Variants in CSGALNACT1 observed in about 807,000 individuals in gnomAD.
CSGALNACT1 encodes the protein chondroitin sulfate N-acetylgalactosaminyltransferase 1, also known as beta4GalNAcT-1.
Under a neutral mutation model 51.0 loss-of-function variants are expected in CSGALNACT1, and 52 were observed. That is an observed-to-expected ratio of 1.02 (90% CI 0.82 to 1.29). CSGALNACT1 has a LOEUF of 1.29. CSGALNACT1 is among the 50% of genes most tolerant of loss of function. The probability of loss-of-function intolerance (pLI) is 0.00; values close to 1 mark genes in which losing one functional copy is unlikely to be tolerated. For synonymous variants in CSGALNACT1, 341 were observed against 254.4 expected, an observed-to-expected ratio of 1.34 and a Z score of -3.24; for missense variants, 935 against 679.2, an observed-to-expected ratio of 1.38 and a Z score of -4.19.
intron 4 of CSGALNACT1, among the ~76,000 whole-genome samples, chr8:19,473,952 A>G (rs1054442804): frequency 2.0e-5 from 3 of 152,244 alleles, no homozygotes; most frequent in Admixed American, 2.0e-4. Flanking sequence ...GAAACTGGTA[A>G]GCTTGAGAAA....
At chr8:19,737,031 G>A (rs1013504801) in intron 1 of CSGALNACT1, among the ~76,000 whole-genome samples, 1 of 152,080 alleles carries the variant, frequency 6.6e-6, no homozygotes, top group African/African-American at 2.4e-5. Flanking sequence ...AAAAAGGCAT[G>A]TTTCTATAAA....
chr8:19,562,818 A>G (rs776504728), intron 3 of CSGALNACT1, among the ~76,000 whole-genome samples: 12 of 152,230 alleles, frequency 7.9e-5, no homozygotes, highest in Non-Finnish European at 1.5e-4. Flanking sequence ...GAACGCTCTT[A>G]CACTGGTGGT....
At chr8:19,419,218 A>T (rs1268644636) in intron 7 of CSGALNACT1, among the ~76,000 whole-genome samples, 1 of 152,212 alleles carries the variant, frequency 6.6e-6, no homozygotes, top group African/African-American at 2.4e-5. Flanking sequence ...AGTGGACCAG[A>T]CAGTCATATC....
At chr8:19,460,799 G>A (rs560495432) in intron 4 of CSGALNACT1, among the ~76,000 whole-genome samples, 5 of 152,066 alleles carry the variant, frequency 3.3e-5, no homozygotes, top group Non-Finnish European at 5.9e-5. Context: ...TGTCTTCCTC[G>A]CAAGTTCTCT....
rs2060151040 is a variant in CSGALNACT1, at chr8:19,434,910, AC to A, written c.953+4919del. 6.6e-5 allele frequency among the ~76,000 whole-genome samples: 10 copies of A among 152,310 alleles called. No homozygotes were observed. The South Asian group carries it at 2.1e-3, about 32-fold the overall frequency. On this transcript the variant is annotated intron_variant, in intron 6 of 9. Transcript: ENST00000454498. The stretch of plus-strand genomic sequence containing the variant: ...TGGACAAACAAAAAGCCTGGAACAA[AC>A]CATTTCCCCCAGAAAATAATCTTCC...
At chr8:19,739,374 TC>T (rs2064173579) in intron 1 of CSGALNACT1, among the ~76,000 whole-genome samples, 1 of 152,114 alleles carries the variant, frequency 6.6e-6, no homozygotes, top group Non-Finnish European at 1.5e-5. Flanking sequence ...CCTGTAGGCT[TC>T]TTCTCTCTTT....
intron 1 of CSGALNACT1, among the ~76,000 whole-genome samples, chr8:19,652,027 C>A (rs2057858821): frequency 6.6e-6 from 1 of 152,038 alleles, no homozygotes; most frequent in Non-Finnish European, 1.5e-5. Flanking sequence ...ACCGCCTGGG[C>A]TCAAGCAATC....
intron 3 of CSGALNACT1, among the ~76,000 whole-genome samples, chr8:19,580,218 G>A (rs1017486132): frequency 1.3e-5 from 2 of 152,310 alleles, no homozygotes; most frequent in African/African-American, 2.4e-5. Context: ...ACAAAGATCC[G>A]AGAGAAAAGA....
At chr8:19,549,925 T>C (rs149099401) in intron 3 of CSGALNACT1, among the ~76,000 whole-genome samples, 59 of 152,264 alleles carry the variant, frequency 3.9e-4, no homozygotes, top group Middle Eastern at 3.4e-3. Flanking sequence ...TGAGCCTTTG[T>C]ATGCGACCTA....
chr8:19,405,843 G>T, exon 10 of CSGALNACT1: 1 of 1,614,146 alleles, frequency 6.2e-7, no homozygotes, highest in Non-Finnish European at 8.5e-7. Flanking sequence ...TCTCGTGCCT[G>T]AACACCAGCA....
chr8:19,487,593 AG>A (rs1240870346), intron 4 of CSGALNACT1, among the ~76,000 whole-genome samples: 2 of 152,234 alleles, frequency 1.3e-5, no homozygotes, highest in Non-Finnish European at 2.9e-5. Context: ...AGACTTTGAA[AG>A]ACTCAACTGT....
intron 1 of CSGALNACT1, among the ~76,000 whole-genome samples, chr8:19,677,265 C>T (rs1021935453): frequency 2.0e-5 from 3 of 152,162 alleles, no homozygotes; most frequent in Admixed American, 1.3e-4. Flanking sequence ...TGCACCACCA[C>T]GCCTAGCTAA....
Position 19,505,104 on chromosome 8 carries a change from A to C in CSGALNACT1, c.634+97T>G, listed in dbSNP as rs187107570. 3,279 of 1,365,636 alleles carry C rather than the reference A, an allele frequency of 2.4e-3. 64 individuals carry two copies. The South Asian group carries it at 0.025, about 10-fold the overall frequency. The allele number at this position is 1,365,636 out of a possible 1,614,324, so 84.6% of individuals were successfully genotyped here. On this transcript the variant is annotated intron_variant, in intron 4 of 9. Transcript: ENST00000454498. ...TAAAACTTTCCGCCAGCCATCCCAG[A>C]GCCAGCTGCCAGCCTCCTGGAGCTG... is the stretch of plus-strand genomic sequence containing the variant.
At chr8:19,450,478 G>A (rs574443541) in intron 5 of CSGALNACT1, among the ~76,000 whole-genome samples, 12 of 152,202 alleles carry the variant, frequency 7.9e-5, no homozygotes, top group East Asian at 5.8e-4. Context: ...CAAGGGAGGC[G>A]GGTGGGGCAT....
chr8:19,725,057 C>G (rs1361601198), intron 1 of CSGALNACT1, among the ~76,000 whole-genome samples: 1 of 152,212 alleles, frequency 6.6e-6, no homozygotes, highest in Non-Finnish European at 1.5e-5. Context: ...ATGCCTCCAT[C>G]TACTCATCTC....
At chr8:19,459,764 G>A (rs941932273) in intron 4 of CSGALNACT1, among the ~76,000 whole-genome samples, 1 of 152,270 alleles carries the variant, frequency 6.6e-6, no homozygotes. Context: ...TGTGAAAGAA[G>A]TTAGAACAGT....
rs555900402 is a variant in CSGALNACT1, at chr8:19,652,781, A to G, written c.-544+29692T>C. On this transcript the variant is annotated intron_variant, in intron 1 of 9. Coordinates refer to the CSGALNACT1 transcript ENST00000332246. ...TCAGTAATCGTCTTTGCCAAAATCAATAGATATTTCTCTGCTATTAACATA... is the reference window on the plus strand; with the variant it reads ...TCAGTAATCGTCTTTGCCAAAATCAGTAGATATTTCTCTGCTATTAACATA... Among the ~76,000 whole-genome samples, 9 of 152,292 alleles carry G rather than the reference A, an allele frequency of 5.9e-5. No homozygotes were observed. The South Asian group carries it at 1.2e-3, about 21-fold the overall frequency.
chr8:19,633,797 T>C (rs1440679037), intron 1 of CSGALNACT1, among the ~76,000 whole-genome samples: 1 of 152,214 alleles, frequency 6.6e-6, no homozygotes, highest in Non-Finnish European at 1.5e-5. Context: ...GAGAAACTGA[T>C]ACACATGCCT....
intron 1 of CSGALNACT1, among the ~76,000 whole-genome samples, chr8:19,643,683 T>C (rs1462730079): frequency 6.6e-6 from 1 of 150,410 alleles, no homozygotes; most frequent in Non-Finnish European, 1.5e-5. Context: ...GTAGTGAAAA[T>C]GTTAATACAC....
Sources: allele counts gnomAD v4.1 joint callset (sites outside exome capture counted in the v4.1 genomes callset), GRCh38; gene constraint gnomAD v4.1.1; transcripts MANE v1.5; gene names NCBI Gene and HGNC (gene_info 2026-07-23, HGNC 2026-07-21).